Variants in MAST3 observed in about 807,000 individuals in gnomAD.
MAST3 encodes microtubule associated serine/threonine kinase 3.
A neutral mutation model predicts 127.0 loss-of-function variants in MAST3; 43 were observed. That is an observed-to-expected ratio of 0.34 (90% CI 0.27 to 0.44). MAST3 has a LOEUF of 0.44. MAST3 is among the 20% of genes least tolerant of loss of function. The pLI is 1.00. For missense variants in MAST3, 1,390 were observed against 1,919.1 expected, an observed-to-expected ratio of 0.72 and a Z score of 5.15; for synonymous variants, 785 against 809.2, an observed-to-expected ratio of 0.97 and a Z score of 0.51.
chr19:18,144,759 C>A lies in MAST3; in HGVS notation c.2812+66C>A, dbSNP rs2042859487. On this transcript the variant is annotated intron_variant, in intron 23 of 27. Coordinates refer to ENST00000687212, the MANE Select transcript of MAST3 (RefSeq NM_001393504.1). This position sits in a 1 kb window ranked among gnomAD's most constrained non-coding sequence, Gnocchi z 4.0. The stretch of plus-strand genomic sequence containing the variant: ...CATTTTCACCAACAGGGTGGGGGCC[C>A]TTCCTGAGTTGGGGAGGCTGGGGAT... The A allele has an allele frequency of 1.3e-6, 2 of 1,550,930 alleles. No individual in the cohort carries two copies. Among genetic ancestry groups the A allele is most frequent in the Non-Finnish European group, 8.8e-7 (1 of 1,136,766 alleles).
chr19:18,118,361 T>G (rs964348269), intron 3 of MAST3: 2 of 622,756 alleles, frequency 3.2e-6, no homozygotes, highest in East Asian at 2.8e-4. Flanking sequence ...CGTCTGTCTG[T>G]GGCAGCAGTG....
chr19:18,124,502 C>T (rs771406965), intron 10 of MAST3, 136 bp downstream of exon 10: 55 of 1,338,450 alleles, frequency 4.1e-5, no homozygotes, highest in East Asian at 7.6e-5. Context: ...ATTGGGCTAG[C>T]GTGGGCTTCC....
intron 15 of MAST3, among the ~76,000 whole-genome samples, chr19:18,132,934 C>G (rs1444983432): frequency 6.6e-6 from 1 of 152,166 alleles, no homozygotes; most frequent in African/African-American, 2.4e-5. Context: ...GAAACCTTGT[C>G]TCTACTAAAA....
chr19:18,148,015 T>C (rs1190502419), intron 27 of MAST3, among the ~76,000 whole-genome samples: 1 of 149,726 alleles, frequency 6.7e-6, no homozygotes, highest in Non-Finnish European at 1.5e-5. Context: ...ATTAGGTGGG[T>C]GTGAGGCCGG....
intron 11 of MAST3, among the ~76,000 whole-genome samples, chr19:18,126,150 A>T (rs1173031936): frequency 1.3e-5 from 2 of 152,092 alleles, no homozygotes; most frequent in Non-Finnish European, 2.9e-5. Context: ...TGAGCTTGGC[A>T]GGTTGAGACT....
In MAST3 at chr19:18,147,092, C is replaced by G. The variant is rs1443103889; in HGVS notation, c.3326+48C>G. The G allele has an allele frequency of 4.7e-5, 54 of 1,139,286 alleles. No individual in the cohort carries two copies. The African/African-American group carries it at 9.1e-4, about 19-fold the overall frequency. 70.6% of individuals were successfully genotyped at this position (1,139,286 alleles called of 1,614,324 possible). On this transcript the variant is annotated intron_variant, in intron 26 of 27. Transcript: ENST00000687212. ...GGGACTGGGGTTCTTTTTTTCTTTT[C>G]TTTTTCCTTTTTTTTTTTTTTTTTT...
rs1599902407 is a variant in MAST3, at chr19:18,145,322, G to C, written c.3039+93G>C. On this transcript the variant is annotated intron_variant, in intron 24 of 27. Coordinates refer to ENST00000687212, the MANE Select transcript of MAST3 (RefSeq NM_001393504.1). This position sits in a 1 kb window ranked among gnomAD's most constrained non-coding sequence, Gnocchi z 5.9. ...CAGAGCTGCATTTTGGAGCCTGGCAGGGTTAGGTAGATAGAGCTGGTGCCA... is the reference window on the plus strand; with the variant it reads ...CAGAGCTGCATTTTGGAGCCTGGCACGGTTAGGTAGATAGAGCTGGTGCCA... 1.6e-6 allele frequency: 2 copies of C among 1,250,148 alleles called. No homozygotes were observed. The highest frequency in any genetic ancestry group is 4.7e-5 in the East Asian group (2 of 42,922). The allele number at this position is 1,250,148 out of a possible 1,614,324, so 77.4% of individuals were successfully genotyped here.
chr19:18,121,600 G>T, intron 3 of MAST3, 85 bp from the exon 4 acceptor site: 1 of 1,146,572 alleles, frequency 8.7e-7, no homozygotes, highest in African/African-American at 1.5e-5. Flanking sequence ...CTCCAGAACG[G>T]GCTGCGAGTG....
intron 3 of MAST3, among the ~76,000 whole-genome samples, chr19:18,115,964 G>A (rs926477408): frequency 6.6e-6 from 1 of 152,196 alleles, no homozygotes; most frequent in African/African-American, 2.4e-5. Context: ...TGCATAGCCA[G>A]CTCCTTCCTC....
intron 3 of MAST3, among the ~76,000 whole-genome samples, chr19:18,111,224 A>G (rs1404169000): frequency 2.0e-5 from 3 of 151,976 alleles, no homozygotes; most frequent in Non-Finnish European, 4.4e-5. Context: ...CCTGATCCCT[A>G]CTTCCCAGTT....
At chr19:18,104,477 G>A (rs928024638) in intron 1 of MAST3, among the ~76,000 whole-genome samples, 6 of 152,108 alleles carry the variant, frequency 3.9e-5, no homozygotes, top group African/African-American at 1.4e-4. Flanking sequence ...TCTCCCGGGA[G>A]ACCTTGCCCT....
At position 18,134,887 on chromosome 19, in the gene MAST3, G is replaced by C; in HGVS notation, c.1775G>C (p.Trp592Ser). The change falls in exon 17 of 28, where the codon TGG (tryptophan) becomes TCG (serine). Residue 592 changes from tryptophan (W) to serine (S), a missense_variant. Trp to Ser is a radical substitution (Grantham distance 177). This residue lies in a region of MAST3 where 191 missense variants were observed against 409.0 expected (regional missense o/e 0.47). Coordinates refer to ENST00000687212, the MANE Select transcript of MAST3 (RefSeq NM_001393504.1). ...FRQGYGKPVD[W>S]WAMGVVLYEF... ...CAGGGCTATGGGAAGCCAGTGGACT[G>C]GTGGGCCATGGGCGTCGTCCTCTAT... 1 of 1,614,076 alleles carries C rather than the reference G, an allele frequency of 6.2e-7. No individual in the cohort carries two copies. The highest frequency in any genetic ancestry group is 8.5e-7 in the Non-Finnish European group (1 of 1,179,952).
chr19:18,145,749 G>A lies in MAST3; in HGVS notation c.3046G>A (p.Glu1016Lys), dbSNP rs376480644. Residue 1016 changes from glutamate to lysine, a missense_variant, in exon 25 of 28, where the codon GAG becomes AAG. By Grantham distance (56) the Glu-to-Lys change is moderately conservative. This residue lies in a region of MAST3 where 816 missense variants were observed against 934.1 expected (regional missense o/e 0.87). Coordinates refer to ENST00000687212, the MANE Select transcript of MAST3 (RefSeq NM_001393504.1). This position sits in a 1 kb window ranked among gnomAD's most constrained non-coding sequence, Gnocchi z 5.9. Reference sequence around the variant, plus strand: ...CGTTCTCGTCTGCCCCCAGAGTGTGGAGGACGGAAGCCCCGCCCAGGAGGC... The same window carrying A: ...CGTTCTCGTCTGCCCCCAGAGTGTGAAGGACGGAAGCCCCGCCCAGGAGGC... ...YTVHHVVWSVEDGSPAQEAGL... is the reference protein window; with the variant it reads ...YTVHHVVWSVKDGSPAQEAGL... 3.8e-6 allele frequency: 6 copies of A among 1,585,066 alleles called. No individual in the cohort carries two copies. In the African/African-American group the frequency reaches 5.5e-5, roughly 15 times the overall value.
intron 8 of MAST3, 25 bp from the exon 9 acceptor site, chr19:18,123,914 G>C: frequency 1.3e-6 from 2 of 1,538,552 alleles, no homozygotes; most frequent in South Asian, 1.2e-5. Flanking sequence ...CCTCTGACCA[G>C]GTCGCCCCGT....
intron 26 of MAST3, 42 bp downstream of exon 26, chr19:18,147,086 T>C: frequency 7.3e-7 from 1 of 1,378,378 alleles, no homozygotes; most frequent in Non-Finnish European, 9.5e-7. Context: ...GTTCTTTTTT[T>C]CTTTTCTTTT....
chr19:18,123,153 C>T (rs1245447228), intron 6 of MAST3, 64 bp from the exon 7 acceptor site: 6 of 1,580,746 alleles, frequency 3.8e-6, no homozygotes, highest in Non-Finnish European at 5.2e-6. Flanking sequence ...AGGGGTGGTG[C>T]TGGGTTCCTG....
At chr19:18,107,527 G>T (rs921136054) in intron 1 of MAST3, 60 bp from the exon 2 acceptor site, 20 of 1,555,642 alleles carry the variant, frequency 1.3e-5, no homozygotes, top group African/African-American at 2.7e-5. Context: ...GTGCATCAAC[G>T]GCCAGGGGTT....
Position 18,110,701 on chromosome 19 carries a change from T to C in MAST3, c.121T>C (p.Cys41Arg), listed in dbSNP as rs1309385065. Residue 41 changes from cysteine (C) to arginine (R), a missense_variant, in exon 3 of 28, where the codon TGC (cysteine) becomes CGC (arginine). Cys to Arg is a radical substitution (Grantham distance 180, BLOSUM62 -3). Transcript: ENST00000687212. The surrounding 1 kb of genome is among the most constrained non-coding windows in gnomAD (Gnocchi z 4.3). ...GTCCCTGCTGGGTCCCAGCAGCCCC[T>C]GCAGCCCCTGTAGCCCCTCCTTGGG... ...SPSLLGPSSP[C>R]SPCSPSLGLH... is the part of the protein sequence containing the mutation. 3.0e-6 allele frequency: 3 copies of C among 985,762 alleles called. No individual in the cohort carries two copies. The highest frequency in any genetic ancestry group is 3.5e-5 in the African/African-American group (2 of 57,204). 61.1% of individuals were successfully genotyped at this position (985,762 alleles called of 1,614,324 possible).
Position 18,149,960 on chromosome 19 carries a change from G to T in MAST3, c.*234G>T. ...GCTTTGTAAATAGCAGCAAATCCCT[G>T]CAACTAATTTATTACTTTTTTTTTC... On this transcript the variant is annotated 3_prime_UTR_variant, in exon 28 of 28. Coordinates refer to ENST00000687212, the MANE Select transcript of MAST3 (RefSeq NM_001393504.1). This position sits in a 1 kb window ranked among gnomAD's most constrained non-coding sequence, Gnocchi z 5.9. 3 of 464,428 alleles carry T rather than the reference G, an allele frequency of 6.5e-6. No homozygotes were observed. The highest frequency in any genetic ancestry group is 4.5e-5 in the Admixed American group (1 of 22,182). 28.8% of individuals were successfully genotyped at this position (464,428 alleles called of 1,614,324 possible).
Sources: gnomAD v4.1 joint callset for allele counts (sites outside exome capture counted in the v4.1 genomes callset) on GRCh38, gnomAD v4.1.1 for gene constraint, gnomAD v4.1.1 regional missense constraint, Gnocchi (gnomAD v3.1) non-coding constraint, MANE v1.5 for transcripts, NCBI Gene and HGNC (gene_info 2026-07-23, HGNC 2026-07-21) for gene names.